PMS1: variants seen among roughly 807,000 people sequenced by gnomAD.
PMS1 encodes PMS1 protein homolog 1.
PMS1 carries 79 observed loss-of-function variants against 93.1 expected under a neutral mutation model. The ratio of observed to expected loss-of-function variants is 0.85; its 90% CI spans 0.71 to 1.02. The LOEUF is 1.02. PMS1 is among the 50% of genes least tolerant of loss of function. PMS1 has a pLI of 0.00. For synonymous variants in PMS1, 335 were observed against 363.4 expected (o/e 0.92, Z 0.89); for missense variants, 1,064 against 1,085.3 (o/e 0.98, Z 0.28).
chr2:189,874,052 G>A (rs2057364623), intron 12 of PMS1, among the ~76,000 whole-genome samples: 1 of 151,694 alleles, frequency 6.6e-6, no homozygotes, highest in Non-Finnish European at 1.5e-5. Context: ...TTTCCAAATA[G>A]TAGAATATTA....
In PMS1 at chr2:189,854,933, A is replaced by G. The variant is rs749568233; in HGVS notation, c.1661A>G (p.Asp554Gly). The G allele has an allele frequency of 2.5e-6, 4 of 1,608,232 alleles. No homozygotes were observed. Among genetic ancestry groups the G allele is most frequent in the Non-Finnish European group, 3.4e-6 (4 of 1,175,240 alleles). ...TGTAACAAAAAATCAAATGTAATAG[A>G]TAATAAATCTGGAAAAGTTACAGCT... ...DSCNKKSNVI[D>G]NKSGKVTAYD... The change falls in exon 9 of 13, where the codon GAT (aspartate) becomes GGT (glycine). Residue 554 changes from aspartate (D) to glycine (G), a missense_variant. Coordinates refer to ENST00000441310, the MANE Select transcript of PMS1 (RefSeq NM_000534.5).
Position 189,852,702 on chromosome 2 carries a change from C to T in PMS1, c.747C>T (p.Phe249=), listed in dbSNP as rs2106449585. 17 of 1,588,504 alleles carry T rather than the reference C, an allele frequency of 1.1e-5. No homozygotes were observed. The highest frequency in any genetic ancestry group is 1.5e-5 in the Non-Finnish European group (17 of 1,156,966). ...FLPKCDADHS[F]TSLSTPERSF... The stretch of plus-strand genomic sequence containing the variant: ...CAAAGTGTGATGCAGACCACTCTTT[C>T]ACTAGTCTTTCAACACCAGAAAGAA... The change falls in exon 7 of 13, where the codon TTC becomes TTT. Residue 249 remains phenylalanine (F), a synonymous_variant. Coordinates refer to ENST00000441310, the MANE Select transcript of PMS1 (RefSeq NM_000534.5).
At chr2:189,794,046 A>G (rs1008241229) in intron 2 of PMS1, among the ~76,000 whole-genome samples, 1 of 152,066 alleles carries the variant, frequency 6.6e-6, no homozygotes, top group Non-Finnish European at 1.5e-5. Flanking sequence ...GTGAGCCACC[A>G]TACTTGGCCT....
At chr2:189,833,692 T>G (rs1298872112) in intron 5 of PMS1, among the ~76,000 whole-genome samples, 1 of 152,230 alleles carries the variant, frequency 6.6e-6, no homozygotes, top group Admixed American at 6.5e-5. Context: ...TATAATGATA[T>G]GATTATTTTT....
intron 4 of PMS1, among the ~76,000 whole-genome samples, chr2:189,811,614 T>C (rs544004844): frequency 2.6e-5 from 4 of 151,948 alleles, no homozygotes; most frequent in African/African-American, 9.7e-5. Context: ...AAAAAACTAA[T>C]AACATAATTA....
At chr2:189,869,102 T>C (rs1164316177) in intron 11 of PMS1, among the ~76,000 whole-genome samples, 1 of 152,228 alleles carries the variant, frequency 6.6e-6, no homozygotes, top group Non-Finnish European at 1.5e-5. Context: ...TTAAGTTTGC[T>C]CAAGGGGACA....
intron 12 of PMS1, among the ~76,000 whole-genome samples, chr2:189,874,102 T>TAA (rs937011402): frequency 6.8e-6 from 1 of 146,448 alleles, no homozygotes; most frequent in Non-Finnish European, 1.5e-5. Flanking sequence ...AGAACACTAT[T>TAA]AAAAAAAAAA....
chr2:189,785,390 C>A (rs570162826), intron 1 of PMS1: 2 of 152,356 alleles, frequency 1.3e-5, no homozygotes, highest in Admixed American at 1.3e-4. Flanking sequence ...ATCAGCACTT[C>A]TTCAGAAGTG....
chr2:189,867,173 C>T (rs1396025729), intron 10 of PMS1, among the ~76,000 whole-genome samples: 2 of 152,178 alleles, frequency 1.3e-5, no homozygotes, highest in Non-Finnish European at 2.9e-5. Context: ...CCCCGACAGA[C>T]ACCTTTTTGC....
chr2:189,845,281 A>C (rs906849187), intron 6 of PMS1, among the ~76,000 whole-genome samples: 1 of 152,086 alleles, frequency 6.6e-6, no homozygotes, highest in South Asian at 2.1e-4. Flanking sequence ...TTGTAGTGGG[A>C]TTACATTTTA....
rs55819218 is a variant in PMS1, at chr2:189,843,777, A to G, written c.583-187A>G. ...AGTTAAATAGATGGTACACTGCAAC[A>G]TATACAGCTTTTAAAATTCAGAACC... On this transcript the variant is annotated intron_variant, in intron 5 of 12. Coordinates refer to ENST00000441310, the MANE Select transcript of PMS1 (RefSeq NM_000534.5). Among the ~76,000 whole-genome samples, 7 of 152,262 alleles carry G rather than the reference A, an allele frequency of 4.6e-5. No homozygotes were observed. The South Asian group carries it at 1.2e-3, about 27-fold the overall frequency.
At chr2:189,839,682 A>G (rs1271830703) in intron 5 of PMS1, among the ~76,000 whole-genome samples, 1 of 152,186 alleles carries the variant, frequency 6.6e-6, no homozygotes, top group Non-Finnish European at 1.5e-5. Flanking sequence ...GTGCTATGTA[A>G]TAGTAGTTTT....
At chr2:189,841,803 A>G (rs1286227350) in intron 5 of PMS1, among the ~76,000 whole-genome samples, 3 of 152,202 alleles carry the variant, frequency 2.0e-5, no homozygotes, top group South Asian at 2.1e-4. Flanking sequence ...GCAACTTCAC[A>G]CATGTAGAAT....
At chr2:189,832,383 T>C (rs1445379215) in intron 5 of PMS1, among the ~76,000 whole-genome samples, 1 of 152,228 alleles carries the variant, frequency 6.6e-6, no homozygotes, top group Non-Finnish European at 1.5e-5. Flanking sequence ...TAACCTTTTC[T>C]GTAAAGTCAA....
At chr2:189,866,868 ATACAG>A (rs1208009847) in intron 10 of PMS1, among the ~76,000 whole-genome samples, 1 of 152,186 alleles carries the variant, frequency 6.6e-6, no homozygotes, top group Non-Finnish European at 1.5e-5. Flanking sequence ...ATTAATTGCT[ATACAG>A]TATCATAATC....
intron 12 of PMS1, 136 bp downstream of exon 12, chr2:189,873,792 C>T (rs1233259912): frequency 6.2e-6 from 4 of 642,294 alleles, no homozygotes; most frequent in Non-Finnish European, 1.1e-5. Context: ...TGCCTTCTGT[C>T]AGATCAGTGG....
intron 3 of PMS1, among the ~76,000 whole-genome samples, chr2:189,803,113 G>A (rs2050038242): frequency 6.6e-6 from 1 of 151,402 alleles, no homozygotes; most frequent in Non-Finnish European, 1.5e-5. Flanking sequence ...GAATCGTAAA[G>A]ACTGTGCGTT....
At chr2:189,868,201 C>G in intron 11 of PMS1, among the ~76,000 whole-genome samples, 1 of 152,192 alleles carries the variant, frequency 6.6e-6, no homozygotes, top group East Asian at 1.9e-4. Flanking sequence ...ACACAATATT[C>G]AAACTGCCTG....
intron 11 of PMS1, among the ~76,000 whole-genome samples, chr2:189,869,378 C>T (rs2056938334): frequency 6.6e-6 from 1 of 152,308 alleles, no homozygotes; most frequent in Non-Finnish European, 1.5e-5. Context: ...ATATTTCTTG[C>T]TCAGGGTCCC....
Sources: gnomAD v4.1 joint callset for allele counts (sites outside exome capture counted in the v4.1 genomes callset) on GRCh38, gnomAD v4.1.1 for gene constraint, MANE v1.5 for transcripts, NCBI Gene and HGNC (gene_info 2026-07-23, HGNC 2026-07-21) for gene names.